Variants in LAG3 observed in about 807,000 individuals in gnomAD.
LAG3 encodes lymphocyte activation gene 3 protein.
In LAG3, 29 loss-of-function variants were observed where a neutral mutation model predicts 49.0. The ratio of observed to expected loss-of-function variants is 0.59; its 90% CI spans 0.44 to 0.81. LAG3 has a LOEUF of 0.81. LAG3 is among the 30% of genes least tolerant of loss of function. The probability of loss-of-function intolerance (pLI) is 0.00; values close to 1 mark genes in which losing one functional copy is unlikely to be tolerated. For synonymous variants in LAG3, 320 were observed against 297.3 expected (o/e 1.08, Z -0.79); for missense variants, 693 against 695.2 (o/e 1.00, Z 0.04).
intron 5 of LAG3, 105 bp downstream of exon 5, chr12:6,775,653 GC>G: frequency 8.9e-7 from 1 of 1,129,544 alleles, no homozygotes. Flanking sequence ...GTGATGCCAG[GC>G]CACTGGGCAC....
At chr12:6,776,355 G>A (rs1941907889) in intron 5 of LAG3, among the ~76,000 whole-genome samples, 1 of 152,064 alleles carries the variant, frequency 6.6e-6, no homozygotes, top group African/African-American at 2.4e-5. Context: ...CTCGAAACCT[G>A]GCCTCCTCCT....
rs367773374 is a variant in LAG3 at position 6,772,832 on chromosome 12, G to A, written c.-21G>A. 1.4e-5 allele frequency: 23 copies of A among 1,604,802 alleles called. No homozygotes were observed. In the East Asian group the frequency reaches 1.6e-4, roughly 11 times the overall value. On this transcript the variant is annotated 5_prime_UTR_variant, in exon 1 of 8. Transcript: ENST00000203629. ...CTGACCTCCTTTTGGAGGGCTCAGC[G>A]CTGCCCAGACCATAGGAGAGATGTG...
chr12:6,773,835 C>T lies in LAG3; in HGVS notation c.345C>T (p.Pro115=), dbSNP rs1205171938. The change falls in exon 3 of 8, where the codon CCC becomes CCT. Residue 115 remains proline (P), a synonymous_variant. Coordinates refer to ENST00000203629, the MANE Select transcript of LAG3 (RefSeq NM_002286.6). This position sits in a 1 kb window ranked among gnomAD's most constrained non-coding sequence, Gnocchi z 5.5. ...GAGGCCTGCGCAGCGGGAGGCTGCC[C>T]CTGCAGCCCCGCGTCCAGCTGGATG... The part of the protein sequence containing the change: ...GPGGLRSGRL[P]LQPRVQLDER... 1 of 1,408,616 alleles carries T rather than the reference C, an allele frequency of 7.1e-7. No homozygotes were observed. Among genetic ancestry groups the T allele is most frequent in the African/African-American group, 1.5e-5 (1 of 66,528 alleles). The allele number at this position is 1,408,616 out of a possible 1,614,324, so 87.3% of individuals were successfully genotyped here.
At position 6,774,003 on chromosome 12, in the gene LAG3, T is replaced by G; in HGVS notation, c.511+2T>G. 1 of 1,416,042 alleles carries G rather than the reference T, an allele frequency of 7.1e-7. No homozygotes were observed. The highest frequency in any genetic ancestry group is 9.1e-7 in the Non-Finnish European group (1 of 1,094,712). The allele number at this position is 1,416,042 out of a possible 1,614,324, so 87.7% of individuals were successfully genotyped here. On this transcript the variant is annotated splice_donor_variant, in intron 3 of 7. Transcript: ENST00000203629. LOFTEE classifies it high-confidence loss of function. ...GTCTGCGCCTGGGCCAGGCCTCGAG[T>G]ATGTGGGGCGGGACGATGGGAGAAG...
rs889287003 is a variant in LAG3, at chr12:6,773,504, G to T, written c.206+165G>T. ...TTCCTGCCCTTGCTCTGCAATCAGC[G>T]ACCCTCACGCCAGCATCCCTTCTCT... On this transcript the variant is annotated intron_variant, in intron 2 of 7. Transcript: ENST00000203629. The surrounding 1 kb of genome is among the most constrained non-coding windows in gnomAD (Gnocchi z 5.5). Among the ~76,000 whole-genome samples, 6 of 152,178 alleles carry T rather than the reference G, an allele frequency of 3.9e-5. No homozygotes were observed. The highest frequency in any genetic ancestry group is 1.3e-4 in the Admixed American group (2 of 15,282).
chr12:6,777,686 G>A, intron 6 of LAG3, 105 bp from the exon 7 acceptor site: 3 of 1,493,162 alleles, frequency 2.0e-6, no homozygotes, highest in Non-Finnish European at 2.8e-6. Flanking sequence ...CCTGGGACAA[G>A]TCCCTTAAAC....
chr12:6,774,872 C>T lies in LAG3; in HGVS notation c.781+8C>T, dbSNP rs538941294. On this transcript the variant is annotated splice_region_variant and intron_variant, in intron 4 of 7. Coordinates refer to ENST00000203629, the MANE Select transcript of LAG3 (RefSeq NM_002286.6). ...ATAACCTCACTGTTCTGGGTAACTC[C>T]CCCACTCTGCTTCACATTTGACCAC... 4.4e-6 allele frequency: 7 copies of T among 1,604,592 alleles called. No homozygotes were observed. The African/African-American group carries it at 9.4e-5, about 21-fold the overall frequency.
At position 6,773,419 on chromosome 12, in the gene LAG3, C is replaced by A; in HGVS notation, c.206+80C>A. On this transcript the variant is annotated intron_variant, in intron 2 of 7. Coordinates refer to ENST00000203629, the MANE Select transcript of LAG3 (RefSeq NM_002286.6). The surrounding 1 kb of genome is among the most constrained non-coding windows in gnomAD (Gnocchi z 5.5). ...ACCCGTGCCGGTCCTCTGTCCCCTG[C>A]CCTGAGGTGTCACTCCCTCTGAAGC... 3 of 1,514,882 alleles carry A rather than the reference C, an allele frequency of 2.0e-6. No individual in the cohort carries two copies. The highest frequency in any genetic ancestry group is 2.7e-6 in the Non-Finnish European group (3 of 1,110,812). 93.8% of individuals were successfully genotyped at this position (1,514,882 alleles called of 1,614,324 possible). A position where few individuals can be genotyped will look rare whatever the true frequency, so the allele number is the denominator to read the frequency against.
intron 1 of LAG3, 37 bp downstream of exon 1, chr12:6,772,947 C>T (rs1440329998): frequency 6.2e-7 from 1 of 1,600,434 alleles, no homozygotes; most frequent in Non-Finnish European, 8.6e-7. Flanking sequence ...ACCTCCAGCC[C>T]CACAGGAGGG....
At position 6,772,893 on chromosome 12, in the gene LAG3, C is replaced by T. The variant is rs1014999225; in HGVS notation, c.41C>T (p.Pro14Leu). 17 of 1,613,776 alleles carry T rather than the reference C, an allele frequency of 1.1e-5. No individual in the cohort carries two copies. Among genetic ancestry groups the T allele is most frequent in the South Asian group, 6.6e-5 (6 of 91,068 alleles). The change falls in exon 1 of 8, where the codon CCG becomes CTG. Residue 14 changes from proline to leucine, a missense_variant. By Grantham distance (98) the Pro-to-Leu change is moderately conservative. Coordinates refer to ENST00000203629, the MANE Select transcript of LAG3 (RefSeq NM_002286.6). ...AQFLGLLFLQ[P>L]LWVAPVKPLQ... is the part of the protein sequence containing the mutation. ...TTCCTGGGCTTGCTGTTTCTGCAGC[C>T]GCTTTGGGTGGCTCCAGGTAAAACG...
intron 7 of LAG3, 60 bp from the exon 8 acceptor site, chr12:6,778,184 G>C (rs1350256792): frequency 1.1e-5 from 17 of 1,490,248 alleles, no homozygotes; most frequent in Non-Finnish European, 1.6e-5. Context: ...CTCCTCATCC[G>C]CTTCCCTTCA....
intron 5 of LAG3, 161 bp downstream of exon 5, chr12:6,775,709 C>A: frequency 9.2e-5 from 59 of 643,638 alleles, no homozygotes; most frequent in East Asian, 2.0e-4. Context: ...TTCTCACCCC[C>A]ATAATAAAGA....
chr12:6,773,047 C>T lies in LAG3; in HGVS notation c.58+137C>T, dbSNP rs1052517846. The T allele has an allele frequency of 4.4e-6, 6 of 1,372,780 alleles. No individual in the cohort carries two copies. Among genetic ancestry groups the T allele is most frequent in the African/African-American group, 2.9e-5 (2 of 68,880 alleles). The allele number at this position is 1,372,780 out of a possible 1,614,324, so 85.0% of individuals were successfully genotyped here. A position where few individuals can be genotyped will look rare whatever the true frequency, so the allele number is the denominator to read the frequency against. ...CCCTTTTTTGGGCAGTCCTTCCACC[C>T]CGAAAGCCTCTCTGGGCAGAGAAGA... On this transcript the variant is annotated intron_variant, in intron 1 of 7. Coordinates refer to ENST00000203629, the MANE Select transcript of LAG3 (RefSeq NM_002286.6). The surrounding 1 kb of genome is among the most constrained non-coding windows in gnomAD (Gnocchi z 5.5).
Position 6,775,401 on chromosome 12 carries a change from G to A in LAG3, c.910G>A (p.Gly304Ser). The A allele has an allele frequency of 1.2e-6, 2 of 1,614,218 alleles. No individual in the cohort carries two copies. The highest frequency in any genetic ancestry group is 1.7e-6 in the Non-Finnish European group (2 of 1,180,044). Reference sequence around the variant, plus strand: ...TGCCAAGTGGACTCCTCCTGGGGGAGGCCCTGACCTCCTGGTGACTGGAGA... The same window carrying A: ...TGCCAAGTGGACTCCTCCTGGGGGAAGCCCTGACCTCCTGGTGACTGGAGA... ...LTAKWTPPGG[G>S]PDLLVTGDNG... The change falls in exon 5 of 8, where the codon GGC becomes AGC. Residue 304 changes from glycine (G) to serine (S), a missense_variant. By Grantham distance (56) the Gly-to-Ser change is moderately conservative. Coordinates refer to ENST00000203629, the MANE Select transcript of LAG3 (RefSeq NM_002286.6).
In LAG3 at chr12:6,772,891, G is replaced by C. The variant is rs1322282282; in HGVS notation, c.39G>C (p.Gln13His). ...AGTTCCTGGGCTTGCTGTTTCTGCA[G>C]CCGCTTTGGGTGGCTCCAGGTAAAA... ...EAQFLGLLFL[Q>H]PLWVAPVKPL... Residue 13 changes from glutamine (Q) to histidine (H), a missense_variant, in exon 1 of 8, where the codon CAG (glutamine) becomes CAC (histidine). Transcript: ENST00000203629. The C allele has an allele frequency of 6.2e-7, 1 of 1,613,680 alleles. No individual in the cohort carries two copies.
chr12:6,774,564 G>A (rs925761259), intron 3 of LAG3, 31 bp from the exon 4 acceptor site: 9 of 1,592,874 alleles, frequency 5.7e-6, no homozygotes, highest in Non-Finnish European at 7.7e-6. Flanking sequence ...GTTTCCAGTG[G>A]GCTGATGAAG....
intron 5 of LAG3, among the ~76,000 whole-genome samples, 176 bp from the exon 6 acceptor site, chr12:6,777,088 T>TA (rs1167024334): frequency 1.3e-5 from 2 of 152,082 alleles, no homozygotes; most frequent in Admixed American, 6.6e-5. Flanking sequence ...TACAATTTAA[T>TA]AAAAAAATAA....
Position 6,774,627 on chromosome 12 carries a change from T to C in LAG3, c.544T>C (p.Ser182Pro), listed in dbSNP as rs762748712. ...TASPPGSLRASDWVILNCSFS... is the reference protein window; with the variant it reads ...TASPPGSLRAPDWVILNCSFS... ...CAGCCCCCCAGGATCTCTCAGAGCC[T>C]CCGACTGGGTCATTTTGAACTGCTC... Residue 182 changes from serine (S) to proline (P), a missense_variant, in exon 4 of 8, where the codon TCC becomes CCC. Physicochemically the swap from Ser to Pro is moderately conservative, Grantham distance 74. Coordinates refer to ENST00000203629, the MANE Select transcript of LAG3 (RefSeq NM_002286.6). The C allele has an allele frequency of 6.2e-7, 1 of 1,614,076 alleles. No homozygotes were observed. The highest frequency in any genetic ancestry group is 8.5e-7 in the Non-Finnish European group (1 of 1,179,986).
chr12:6,773,977 C>A lies in LAG3; in HGVS notation c.487C>A (p.Arg163Ser), dbSNP rs1391644843. ...LRDRALSCRL[R>S]LRLGQASMTA... ...GGACCGCGCCCTCTCCTGCCGCCTC[C>A]GTCTGCGCCTGGGCCAGGCCTCGAG... Residue 163 changes from arginine (R) to serine (S), a missense_variant, in exon 3 of 8, where the codon CGT becomes AGT. Physicochemically the swap from Arg to Ser is moderately radical, Grantham distance 110. Coordinates refer to ENST00000203629, the MANE Select transcript of LAG3 (RefSeq NM_002286.6). The surrounding 1 kb of genome is among the most constrained non-coding windows in gnomAD (Gnocchi z 5.5). The A allele has an allele frequency of 4.2e-6, 6 of 1,441,178 alleles. No individual in the cohort carries two copies. Among genetic ancestry groups the A allele is most frequent in the Non-Finnish European group, 5.4e-6 (6 of 1,105,784 alleles). 89.3% of individuals were successfully genotyped at this position (1,441,178 alleles called of 1,614,324 possible). A position where few individuals can be genotyped will look rare whatever the true frequency, so the allele number is the denominator to read the frequency against.
Sources: gnomAD v4.1 joint callset for allele counts (sites outside exome capture counted in the v4.1 genomes callset) on GRCh38, gnomAD v4.1.1 for gene constraint, Gnocchi (gnomAD v3.1) non-coding constraint, MANE v1.5 for transcripts, NCBI Gene and HGNC (gene_info 2026-07-23, HGNC 2026-07-21) for gene names.